Variants in PKP1 observed in about 807,000 individuals in gnomAD.
PKP1 encodes the protein plakophilin-1.
A neutral mutation model predicts 76.4 loss-of-function variants in PKP1; 27 were observed. That is an observed-to-expected ratio of 0.35 (90% CI 0.26 to 0.49). The LOEUF is 0.49. Ranked by LOEUF, PKP1 falls within the 20% of genes least tolerant of loss-of-function variation. PKP1 has a pLI of 0.99. For synonymous variants in PKP1, 404 were observed against 384.2 expected, an observed-to-expected ratio of 1.05 and a Z score of -0.60; for missense variants, 964 against 955.2, an observed-to-expected ratio of 1.01 and a Z score of -0.12.
Position 201,319,618 on chromosome 1 carries a change from A to G in PKP1, c.1233-649A>G, listed in dbSNP as rs552905561. ...TTTATGGGGTTGATGTGCTACTGGTAGCAACAGCAGCCACACCCCACCTGC... is the reference window on the plus strand; with the variant it reads ...TTTATGGGGTTGATGTGCTACTGGTGGCAACAGCAGCCACACCCCACCTGC... On this transcript the variant is annotated intron_variant, in intron 6 of 13. Transcript: ENST00000367324. Among the ~76,000 whole-genome samples, 477 of 152,314 alleles carry G rather than the reference A, an allele frequency of 3.1e-3. 1 individual carries two copies. The highest frequency in any genetic ancestry group is 0.011 in the African/African-American group (452 of 41,580).
chr1:201,290,222 T>G (rs1655873428), intron 1 of PKP1, among the ~76,000 whole-genome samples: 1 of 152,244 alleles, frequency 6.6e-6, no homozygotes, highest in South Asian at 2.1e-4. Context: ...ACGAGCTATG[T>G]GGACAGAGCA....
chr1:201,294,587 A>C (rs1340113189), intron 2 of PKP1, among the ~76,000 whole-genome samples: 3 of 152,198 alleles, frequency 2.0e-5, no homozygotes, highest in Non-Finnish European at 4.4e-5. Flanking sequence ...AGTTACTTCA[A>C]ACTTTGGGAC....
chr1:201,284,874 G>C (rs1655683868), intron 1 of PKP1, among the ~76,000 whole-genome samples: 1 of 152,104 alleles, frequency 6.6e-6, no homozygotes, highest in Admixed American at 6.5e-5. Flanking sequence ...CAGCCTCTGA[G>C]AGGCCAGATC....
At position 201,332,878 on chromosome 1, in the gene PKP1, G is replaced by C. The variant is rs1329695590; in HGVS notation, c.*2837G>C. 1 of 152,234 alleles carries C rather than the reference G, an allele frequency of 6.6e-6. No homozygotes were observed. Among genetic ancestry groups the C allele is most frequent in the African/African-American group, 2.4e-5 (1 of 41,456 alleles). 9.4% of individuals were successfully genotyped at this position (152,234 alleles called of 1,614,324 possible). ...GTAGCCCACCTTCCCCTTGCTTCATGTTTGTAGAGGAACCTTGTGCCGGCC... is the reference window on the plus strand; with the variant it reads ...GTAGCCCACCTTCCCCTTGCTTCATCTTTGTAGAGGAACCTTGTGCCGGCC... On this transcript the variant is annotated 3_prime_UTR_variant, in exon 14 of 14. Transcript: ENST00000367324.
intron 2 of PKP1, among the ~76,000 whole-genome samples, chr1:201,295,716 C>T (rs1026058917): frequency 1.3e-5 from 2 of 152,144 alleles, no homozygotes; most frequent in Non-Finnish European, 2.9e-5. Flanking sequence ...TTTCTCTGGG[C>T]CTCAGTTTTC....
In PKP1 at chr1:201,325,680, G is replaced by T. The variant is rs1657097288; in HGVS notation, c.2022-74G>T. 7 of 1,129,190 alleles carry T rather than the reference G, an allele frequency of 6.2e-6. No homozygotes were observed. The Admixed American group carries it at 1.0e-4, about 17-fold the overall frequency. 69.9% of individuals were successfully genotyped at this position (1,129,190 alleles called of 1,614,324 possible). The stretch of plus-strand genomic sequence containing the variant: ...CTGTGTCCAGGCCCTGGCAGTGGGG[G>T]TGGGAGGGAAGAGGGTGCTCCTTCT... On this transcript the variant is annotated intron_variant, in intron 11 of 13. Transcript: ENST00000367324.
chr1:201,312,085 A>T (rs1656573777), intron 2 of PKP1, among the ~76,000 whole-genome samples: 1 of 152,134 alleles, frequency 6.6e-6, no homozygotes. Flanking sequence ...AAAGCCCAGG[A>T]GGCCCTCCCT....
Position 201,304,281 on chromosome 1 carries a change from G to A in PKP1, c.307-8885G>A, listed in dbSNP as rs1656313929. ...CTAATTCCAGAAGATCCAGGGCTCAGCTTCAGGTACCAGCTTTAACACTAG... is the reference window on the plus strand; with the variant it reads ...CTAATTCCAGAAGATCCAGGGCTCAACTTCAGGTACCAGCTTTAACACTAG... On this transcript the variant is annotated intron_variant, in intron 2 of 13. Coordinates refer to ENST00000367324, the MANE Select transcript of PKP1 (RefSeq NM_001005337.3). Among the ~76,000 whole-genome samples the A allele has an allele frequency of 2.0e-5, 3 of 152,178 alleles. No individual in the cohort carries two copies. The South Asian group carries it at 6.2e-4, about 31-fold the overall frequency.
rs762058312 is a variant in PKP1 at position 201,325,134 on chromosome 1, G to A, written c.2021+7G>A. ...TCAACCTGTGCCGAAGCAGGTGGGCGGGGGGTTGCTCCCACGGGCTGCACC... is the reference window on the plus strand; with the variant it reads ...TCAACCTGTGCCGAAGCAGGTGGGCAGGGGGTTGCTCCCACGGGCTGCACC... On this transcript the variant is annotated splice_region_variant and intron_variant, in intron 11 of 13. Transcript: ENST00000367324. The A allele has an allele frequency of 1.2e-5, 20 of 1,612,352 alleles. No individual in the cohort carries two copies. The highest frequency in any genetic ancestry group is 4.5e-5 in the East Asian group (2 of 44,886).
chr1:201,298,288 A>G (rs1165090810), intron 2 of PKP1, among the ~76,000 whole-genome samples: 3 of 152,232 alleles, frequency 2.0e-5, no homozygotes, highest in African/African-American at 7.2e-5. Context: ...ACAGCCCTTC[A>G]ACTCCAAAGC....
chr1:201,301,142 G>A (rs1656216304), intron 2 of PKP1, among the ~76,000 whole-genome samples: 1 of 152,156 alleles, frequency 6.6e-6, no homozygotes, highest in Non-Finnish European at 1.5e-5. Flanking sequence ...CCAGGAGAGG[G>A]CAGACTCCCA....
chr1:201,283,678 C>CTAG lies in PKP1; in HGVS notation c.-25_-24insTAG. The CTAG allele has an allele frequency of 6.2e-7, 1 of 1,607,008 alleles. No homozygotes were observed. Among genetic ancestry groups the CTAG allele is most frequent in the Non-Finnish European group, 8.5e-7 (1 of 1,175,942 alleles). On this transcript the variant is annotated 5_prime_UTR_variant, in exon 1 of 14. Transcript: ENST00000367324. ...CCTCTCTGCTCTCCTAGGCCCCGGC[C>CTAG]GCGCGCCACCCGCCTCCCGCCACCA...
intron 3 of PKP1, 59 bp from the exon 4 acceptor site, chr1:201,316,494 C>A (rs1156890693): frequency 1.3e-6 from 2 of 1,523,002 alleles, no homozygotes; most frequent in Admixed American, 1.9e-5. Flanking sequence ...GAATTCTGAG[C>A]CCCCTCAGCA....
At chr1:201,328,948 C>CT in intron 13 of PKP1, 80 bp downstream of exon 13, 1 of 900,962 alleles carries the variant, frequency 1.1e-6, no homozygotes, top group Non-Finnish European at 1.9e-6. Flanking sequence ...AGGGCTAGGC[C>CT]TGTGCTCCCA....
At chr1:201,323,901 C>T (rs1657025839) in intron 9 of PKP1, among the ~76,000 whole-genome samples, 1 of 152,122 alleles carries the variant, frequency 6.6e-6, no homozygotes, top group South Asian at 2.1e-4. Context: ...TGGCCTACCT[C>T]TAGGGGACCC....
At chr1:201,311,770 G>A (rs1194978016) in intron 2 of PKP1, among the ~76,000 whole-genome samples, 1 of 152,240 alleles carries the variant, frequency 6.6e-6, no homozygotes, top group Non-Finnish European at 1.5e-5. Flanking sequence ...CCCAGCAAAG[G>A]TGAGTCCCAA....
intron 2 of PKP1, 37 bp downstream of exon 2, chr1:201,294,082 C>T: frequency 7.2e-7 from 1 of 1,385,546 alleles, no homozygotes; most frequent in Non-Finnish European, 1.0e-6. Flanking sequence ...ACCTGGAGTA[C>T]TTGTGGGGAT....
chr1:201,295,570 C>T (rs916051187), intron 2 of PKP1, among the ~76,000 whole-genome samples: 6 of 152,174 alleles, frequency 3.9e-5, no homozygotes, highest in Admixed American at 2.6e-4. Context: ...CACCAGCAGC[C>T]GGAATGGATG....
At chr1:201,316,793 G>T (rs1160947170) in intron 4 of PKP1, 96 bp downstream of exon 4, 3 of 1,375,394 alleles carry the variant, frequency 2.2e-6, no homozygotes, top group East Asian at 2.3e-5. Flanking sequence ...GGCATCTGCA[G>T]TTGGCTTCTC....
Sources: gnomAD v4.1 joint callset for allele counts (sites outside exome capture counted in the v4.1 genomes callset) on GRCh38, gnomAD v4.1.1 for gene constraint, MANE v1.5 for transcripts, NCBI Gene and HGNC (gene_info 2026-07-23, HGNC 2026-07-21) for gene names.